UTRN: variants seen among roughly 807,000 people sequenced by gnomAD.
UTRN encodes dystrophin-related protein 1.
In UTRN, 283 loss-of-function variants were observed where a neutral mutation model predicts 463.9. That is an observed-to-expected ratio of 0.61 (90% confidence interval 0.55 to 0.67). The LOEUF (loss-of-function observed/expected upper bound fraction) is 0.67, where lower values mean the gene tolerates loss of function less well. Among genes scored for constraint, UTRN ranks in the 30% least tolerant of loss-of-function variants. The probability of loss-of-function intolerance (pLI) is 0.00; values close to 1 mark genes in which losing one functional copy is unlikely to be tolerated. For synonymous variants in UTRN, 1,442 were observed against 1,431.5 expected (o/e 1.01, Z -0.17); for missense variants, 3,922 against 4,084.3 (o/e 0.96, Z 1.08).
intron 41 of UTRN, among the ~76,000 whole-genome samples, chr6:144,525,394 T>G (rs944492065): frequency 2.0e-5 from 3 of 152,172 alleles, no homozygotes; most frequent in Non-Finnish European, 4.4e-5. Context: ...AGTTTCTATT[T>G]CTTCCTGGTT....
At chr6:144,460,507 C>A (rs1183519615) in intron 21 of UTRN, among the ~76,000 whole-genome samples, 2 of 152,192 alleles carry the variant, frequency 1.3e-5, no homozygotes, top group African/African-American at 4.8e-5. Context: ...TCCTTGAATT[C>A]AGTTATGTGA....
In UTRN at chr6:144,557,313, T is replaced by G; in HGVS notation, c.7289+2T>G. On this transcript the variant is annotated splice_donor_variant, in intron 50 of 74. Coordinates refer to ENST00000367545, the MANE Select transcript of UTRN (RefSeq NM_007124.3). LOFTEE classifies it high-confidence loss of function. ...ATCATGGATCAATCTCAAACAAAGG[T>G]AAGTCTAAGGCCCTGGCAGGTAAAT... 6.2e-7 allele frequency: 1 copy of G among 1,612,534 alleles called. No homozygotes were observed. Among genetic ancestry groups the G allele is most frequent in the Non-Finnish European group, 8.5e-7 (1 of 1,179,176 alleles).
intron 2 of UTRN, among the ~76,000 whole-genome samples, chr6:144,305,210 A>C (rs976805477): frequency 6.6e-6 from 1 of 152,236 alleles, no homozygotes; most frequent in African/African-American, 2.4e-5. Context: ...GTCAGCATAG[A>C]TAAATCTTAA....
chr6:144,343,974 A>G, intron 2 of UTRN: 1 of 276,526 alleles, frequency 3.6e-6, no homozygotes, highest in Non-Finnish European at 6.4e-6. Flanking sequence ...TATTAAAAAA[A>G]CAAAAAACCT....
chr6:144,729,007 A>G (rs1788231165), intron 53 of UTRN, among the ~76,000 whole-genome samples: 2 of 152,162 alleles, frequency 1.3e-5, no homozygotes, highest in Non-Finnish European at 1.5e-5. Context: ...TATCTCCTCT[A>G]TACACGAGTA....
In UTRN at chr6:144,439,138, A is replaced by G. The variant is rs1039487969; in HGVS notation, c.1392+243A>G. ...TCTTTTGAAAGTACATAGCTTTCAT[A>G]CAACTGGAGAAGGGTTCTTTTGGCC... On this transcript the variant is annotated intron_variant, in intron 12 of 74. Transcript: ENST00000367545. Among the ~76,000 whole-genome samples, 3 of 152,214 alleles carry G rather than the reference A, an allele frequency of 2.0e-5. No homozygotes were observed. In the East Asian group the frequency reaches 5.8e-4, roughly 29 times the overall value.
intron 51 of UTRN, among the ~76,000 whole-genome samples, chr6:144,669,431 T>C (rs971277437): frequency 6.6e-6 from 1 of 152,188 alleles, no homozygotes; most frequent in African/African-American, 2.4e-5. Flanking sequence ...AATGAAATTA[T>C]CATAATATAT....
chr6:144,499,106 T>TAG (rs1219995391), intron 33 of UTRN, 151 bp from the exon 34 acceptor site: 7 of 754,876 alleles, frequency 9.3e-6, no homozygotes, highest in South Asian at 2.8e-5. Context: ...AATGCAAGCT[T>TAG]AGAGGATTCT....
chr6:144,730,454 A>C lies in UTRN; in HGVS notation c.7907A>C (p.Glu2636Ala). ...GCTGATCAGCCAATTGAGGCCCCTG[A>C]AGAGCCAAGAAGAAACCTACAATCA... Reference protein sequence around the residue: ...FLADQPIEAPEEPRRNLQSKT... With the variant: ...FLADQPIEAPAEPRRNLQSKT... Residue 2636 changes from glutamate (E) to alanine (A), a missense_variant, in exon 54 of 75, where the codon GAA becomes GCA. Coordinates refer to ENST00000367545, the MANE Select transcript of UTRN (RefSeq NM_007124.3). The C allele has an allele frequency of 6.2e-7, 1 of 1,610,512 alleles. No individual in the cohort carries two copies. The highest frequency in any genetic ancestry group is 2.2e-5 in the East Asian group (1 of 44,556).
chr6:144,805,798 A>AG (rs1778099323), intron 65 of UTRN, among the ~76,000 whole-genome samples: 3 of 152,136 alleles, frequency 2.0e-5, no homozygotes, highest in African/African-American at 7.2e-5. Flanking sequence ...TAAGTGCAAT[A>AG]TCTTTGAAGC....
Position 144,490,158 on chromosome 6 carries a change from A to T in UTRN, c.4222A>T (p.Ser1408Cys). Residue 1408 changes from serine to cysteine, a missense_variant, in exon 31 of 75, where the codon AGT becomes TGT. Physicochemically the swap from Ser to Cys is moderately radical, Grantham distance 112 (BLOSUM62 -1). Around this residue, in one of 3 missense-constraint regions of UTRN, gnomAD observed 2,349 missense variants for 2,303.8 expected, o/e 1.02. Transcript: ENST00000367545. ...TTCTCAGCCCCTGACCTCCCCAGAG[A>T]GTAGGACTGCCAGAGGAGGAAGTCA... ...MRSQPLTSPE[S>C]RTARGGSQMD... The T allele has an allele frequency of 6.2e-7, 1 of 1,613,604 alleles. No homozygotes were observed. Among genetic ancestry groups the T allele is most frequent in the Non-Finnish European group, 8.5e-7 (1 of 1,179,744 alleles).
At chr6:144,577,462 C>T (rs1344345760) in intron 51 of UTRN, among the ~76,000 whole-genome samples, 174 bp downstream of exon 51, 1 of 152,110 alleles carries the variant, frequency 6.6e-6, no homozygotes, top group Non-Finnish European at 1.5e-5. Flanking sequence ...GATATTTTTA[C>T]TTAATGTTAG....
intron 59 of UTRN, among the ~76,000 whole-genome samples, chr6:144,773,908 A>G (rs1258083669): frequency 6.6e-6 from 1 of 152,144 alleles, no homozygotes; most frequent in East Asian, 1.9e-4. Flanking sequence ...GGGAAGGGGA[A>G]TTCTGGTTTC....
Position 144,516,331 on chromosome 6 carries a change from G to A in UTRN, c.5347G>A (p.Glu1783Lys), listed in dbSNP as rs764244895. 3.1e-6 allele frequency: 5 copies of A among 1,613,656 alleles called. No homozygotes were observed. The change falls in exon 38 of 75, where the codon GAA becomes AAA. Residue 1783 changes from glutamate to lysine, a missense_variant. Coordinates refer to ENST00000367545, the MANE Select transcript of UTRN (RefSeq NM_007124.3). ...SDLEKLENDI[E>K]NMLKFVEKHL... The stretch of plus-strand genomic sequence containing the variant: ...CTTGGAAAAATTAGAAAATGACATA[G>A]AAAATATGTTAAAATTTGTGGAAAA...
At chr6:144,822,258 A>G (rs748119310) in intron 66 of UTRN, among the ~76,000 whole-genome samples, 1 of 152,128 alleles carries the variant, frequency 6.6e-6, no homozygotes, top group Admixed American at 6.5e-5. Context: ...GTACCAGTTT[A>G]TCTCTTTTAT....
At chr6:144,388,267 A>C (rs1781582737) in intron 2 of UTRN, among the ~76,000 whole-genome samples, 1 of 151,908 alleles carries the variant, frequency 6.6e-6, no homozygotes, top group Non-Finnish European at 1.5e-5. Flanking sequence ...AAATCCTTCC[A>C]TGTCTTTCCA....
intron 51 of UTRN, among the ~76,000 whole-genome samples, chr6:144,671,347 C>G (rs1781004503): frequency 6.6e-6 from 1 of 151,804 alleles, no homozygotes; most frequent in African/African-American, 2.4e-5. Flanking sequence ...TTGTAGGGAT[C>G]TTTTACCTCC....
At chr6:144,689,773 A>G (rs1044283740) in intron 52 of UTRN, among the ~76,000 whole-genome samples, 1 of 151,942 alleles carries the variant, frequency 6.6e-6, no homozygotes, top group Non-Finnish European at 1.5e-5. Context: ...CTCACATGCC[A>G]TGTGTAATAG....
chr6:144,840,737 C>T lies in UTRN; in HGVS notation c.10178-3C>T. 1 of 1,613,844 alleles carries T rather than the reference C, an allele frequency of 6.2e-7. No individual in the cohort carries two copies. On this transcript the variant is annotated splice_polypyrimidine_tract_variant and splice_region_variant and intron_variant, in intron 72 of 74. Transcript: ENST00000367545. Reference sequence around the variant, plus strand: ...TTGTTGTTCTCTTTATTTGCTGTCACAGCGGGAGAGGACCTGCTGGCCCCA... The same window carrying T: ...TTGTTGTTCTCTTTATTTGCTGTCATAGCGGGAGAGGACCTGCTGGCCCCA...
Sources: allele counts gnomAD v4.1 joint callset (sites outside exome capture counted in the v4.1 genomes callset), GRCh38; gene constraint gnomAD v4.1.1; regional missense constraint gnomAD v4.1.1; transcripts MANE v1.5; gene names NCBI Gene and HGNC (gene_info 2026-07-23, HGNC 2026-07-21).